GRXCR1: variants seen among roughly 807,000 people sequenced by gnomAD.
The protein encoded by GRXCR1 is glutaredoxin and cysteine rich domain containing 1.
GRXCR1 carries 27 observed loss-of-function variants against 27.3 expected under a neutral mutation model. The observed-to-expected ratio is 0.99, with a 90% CI of 0.73 to 1.37. The LOEUF is 1.37. GRXCR1 is among the 40% of genes most tolerant of loss of function. GRXCR1 has a pLI of 0.00. For synonymous variants in GRXCR1, 122 were observed against 131.1 expected, an observed-to-expected ratio of 0.93 and a Z score of 0.47; for missense variants, 379 against 354.4, an observed-to-expected ratio of 1.07 and a Z score of -0.56.
chr4:43,008,886 A>C (rs1577943237), intron 2 of GRXCR1, among the ~76,000 whole-genome samples: 2 of 152,374 alleles, frequency 1.3e-5, no homozygotes, highest in South Asian at 2.1e-4. Context: ...GTGAAGATTA[A>C]ATAAATAATG....
Position 43,026,716 on chromosome 4 carries a change from T to C in GRXCR1, c.694-3645T>C, listed in dbSNP as rs114014631. Among the ~76,000 whole-genome samples the C allele has an allele frequency of 4.9e-3, 749 of 152,342 alleles. 10 individuals are homozygous for C. The highest frequency in any genetic ancestry group is 0.015 in the African/African-American group (638 of 41,586). On this transcript the variant is annotated intron_variant, in intron 3 of 3. Transcript: ENST00000399770. ...AAGAGACCTCTTCAATATTCCACTT[T>C]CTAGTTATAACTTGATAATTACTTT...
At chr4:42,931,952 G>T (rs557864349) in intron 1 of GRXCR1, among the ~76,000 whole-genome samples, 1 of 152,030 alleles carries the variant, frequency 6.6e-6, no homozygotes, top group East Asian at 2.0e-4. Flanking sequence ...CATGGTGGCC[G>T]GCAATAGAGA....
At chr4:42,945,066 G>A (rs887549372) in intron 1 of GRXCR1, among the ~76,000 whole-genome samples, 14 of 152,030 alleles carry the variant, frequency 9.2e-5, no homozygotes, top group East Asian at 1.9e-4. Flanking sequence ...TGAGATTAGC[G>A]CTCTTATAAA....
intron 1 of GRXCR1, among the ~76,000 whole-genome samples, chr4:42,907,168 T>C (rs796289947): frequency 3.4e-4 from 52 of 152,276 alleles, no homozygotes; most frequent in African/African-American, 1.1e-3. Flanking sequence ...TTGTAGCATG[T>C]ATTTGGCCTC....
At chr4:42,914,870 G>C (rs976085232) in intron 1 of GRXCR1, among the ~76,000 whole-genome samples, 1 of 152,090 alleles carries the variant, frequency 6.6e-6, no homozygotes, top group Non-Finnish European at 1.5e-5. Flanking sequence ...TAGTGAGTGA[G>C]TTCTAATGTG....
At position 42,962,940 on chromosome 4, in the gene GRXCR1, T is replaced by A. The variant is rs374108101; in HGVS notation, c.433T>A (p.Cys145Ser). 6.2e-7 allele frequency: 1 copy of A among 1,612,018 alleles called. No individual in the cohort carries two copies. The highest frequency in any genetic ancestry group is 8.5e-7 in the Non-Finnish European group (1 of 1,178,472). ...EFDRVVIYTT[C>S]LRVVRTTFER... The stretch of plus-strand genomic sequence containing the variant: ...TGACCGTGTAGTGATTTATACCACC[T>A]GCCTTCGTGTGGTCCGGACAACCTT... Residue 145 changes from cysteine to serine, a missense_variant, in exon 2 of 4, where the codon TGC becomes AGC. Coordinates refer to ENST00000399770, the MANE Select transcript of GRXCR1 (RefSeq NM_001080476.3).
intron 1 of GRXCR1, among the ~76,000 whole-genome samples, chr4:42,936,249 C>T (rs925131764): frequency 4.0e-5 from 6 of 151,850 alleles, no homozygotes; most frequent in African/African-American, 1.4e-4. Context: ...AATTTGCTGA[C>T]ATCTGAGACC....
chr4:42,939,272 A>G (rs1747543525), intron 1 of GRXCR1, among the ~76,000 whole-genome samples: 1 of 152,012 alleles, frequency 6.6e-6, no homozygotes, highest in Non-Finnish European at 1.5e-5. Context: ...GCTATTGTAA[A>G]TGATATTACT....
At chr4:42,943,350 C>T (rs1236630447) in intron 1 of GRXCR1, among the ~76,000 whole-genome samples, 1 of 152,048 alleles carries the variant, frequency 6.6e-6, no homozygotes, top group Non-Finnish European at 1.5e-5. Context: ...TCTGTGCCCA[C>T]CCAGCTAGTT....
chr4:42,958,326 A>G (rs1228920991), intron 1 of GRXCR1, among the ~76,000 whole-genome samples: 4 of 152,028 alleles, frequency 2.6e-5, no homozygotes, highest in Non-Finnish European at 2.9e-5. Flanking sequence ...GACTAAGAAG[A>G]TGCAATGGGA....
At chr4:42,980,398 C>T (rs551001623) in intron 2 of GRXCR1, among the ~76,000 whole-genome samples, 31 of 151,814 alleles carry the variant, frequency 2.0e-4, no homozygotes, top group South Asian at 2.1e-4. Context: ...TTCATTCAAC[C>T]GTTGATTTTT....
At chr4:43,024,095 A>G (rs1408607294) in intron 3 of GRXCR1, among the ~76,000 whole-genome samples, 1 of 152,004 alleles carries the variant, frequency 6.6e-6, no homozygotes, top group African/African-American at 2.4e-5. Flanking sequence ...GATGGCAGAG[A>G]AGCTCCAAGT....
intron 2 of GRXCR1, among the ~76,000 whole-genome samples, chr4:42,967,749 C>A (rs1748280442): frequency 6.6e-6 from 1 of 151,990 alleles, no homozygotes; most frequent in African/African-American, 2.4e-5. Context: ...CAGCTTTTTG[C>A]TGAGATACAG....
intron 1 of GRXCR1, 23 bp from the exon 2 acceptor site, chr4:42,962,869 A>T (rs946185582): frequency 6.2e-6 from 10 of 1,611,778 alleles, no homozygotes; most frequent in Non-Finnish European, 8.5e-6. Flanking sequence ...AAACATTCTT[A>T]CAACTCAATG....
At chr4:42,922,273 G>A (rs1288195933) in intron 1 of GRXCR1, among the ~76,000 whole-genome samples, 2 of 152,062 alleles carry the variant, frequency 1.3e-5, no homozygotes, top group Non-Finnish European at 2.9e-5. Flanking sequence ...TGGTCTGTCT[G>A]TGGCCCAAGG....
At chr4:42,950,723 CGA>C (rs1747863952) in intron 1 of GRXCR1, among the ~76,000 whole-genome samples, 1 of 152,072 alleles carries the variant, frequency 6.6e-6, no homozygotes, top group African/African-American at 2.4e-5. Flanking sequence ...CTCTTGTAGG[CGA>C]GACTGTAGCT....
chr4:42,945,114 T>C (rs1231777396), intron 1 of GRXCR1, among the ~76,000 whole-genome samples: 2 of 152,152 alleles, frequency 1.3e-5, no homozygotes, highest in African/African-American at 2.4e-5. Flanking sequence ...TTCCACCATG[T>C]GAAGACACGC....
chr4:42,986,429 G>C (rs749892394), intron 2 of GRXCR1, among the ~76,000 whole-genome samples: 1 of 152,090 alleles, frequency 6.6e-6, no homozygotes, highest in Non-Finnish European at 1.5e-5. Flanking sequence ...TTGACTTTCA[G>C]CACCTCTCTC....
intron 2 of GRXCR1, among the ~76,000 whole-genome samples, chr4:43,016,888 G>A (rs1174535722): frequency 6.6e-6 from 1 of 151,944 alleles, no homozygotes; most frequent in Non-Finnish European, 1.5e-5. Flanking sequence ...TTCTTCCTTG[G>A]TGATTCATAG....
Sources: allele counts gnomAD v4.1 joint callset (sites outside exome capture counted in the v4.1 genomes callset), GRCh38; gene constraint gnomAD v4.1.1; transcripts MANE v1.5; gene names NCBI Gene and HGNC (gene_info 2026-07-23, HGNC 2026-07-21).